PLPP3: variants seen among roughly 807,000 people sequenced by gnomAD.
PLPP3 encodes phospholipid phosphatase 3.
In PLPP3, 6 loss-of-function variants were observed where a neutral mutation model predicts 29.6. The ratio of observed to expected loss-of-function variants is 0.20; its 90% CI spans 0.11 to 0.40. The LOEUF is 0.40. Ranked by LOEUF, PLPP3 falls within the 10% of genes least tolerant of loss-of-function variation. The pLI is 1.00. For synonymous variants in PLPP3, 152 were observed against 159.7 expected, an observed-to-expected ratio of 0.95 and a Z score of 0.36; for missense variants, 308 against 407.7, an observed-to-expected ratio of 0.76 and a Z score of 2.11.
intron 1 of PLPP3, among the ~76,000 whole-genome samples, chr1:56,544,459 C>T (rs1557509351): frequency 1.3e-5 from 2 of 152,208 alleles, no homozygotes; most frequent in African/African-American, 4.8e-5. Context: ...GACCTCCTTC[C>T]TTTTGAATCC....
intron 1 of PLPP3, among the ~76,000 whole-genome samples, chr1:56,537,741 C>T (rs1015388798): frequency 2.0e-5 from 3 of 151,994 alleles, no homozygotes; most frequent in Admixed American, 2.0e-4. Context: ...TCATGAATGC[C>T]ATTTTCCAGG....
intron 5 of PLPP3, among the ~76,000 whole-genome samples, chr1:56,511,722 C>T (rs1041987858): frequency 6.6e-6 from 1 of 151,912 alleles, no homozygotes; most frequent in Non-Finnish European, 1.5e-5. Context: ...CAACATTCTA[C>T]GAGCCCAAAA....
At chr1:56,543,392 C>A (rs1645982965) in intron 1 of PLPP3, among the ~76,000 whole-genome samples, 1 of 152,200 alleles carries the variant, frequency 6.6e-6, no homozygotes, top group South Asian at 2.1e-4. Context: ...CCACATCTGT[C>A]TGTCTTTTGG....
At chr1:56,572,332 G>A (rs1386767409) in intron 1 of PLPP3, among the ~76,000 whole-genome samples, 2 of 152,252 alleles carry the variant, frequency 1.3e-5, no homozygotes, top group African/African-American at 4.8e-5. Flanking sequence ...TTACAGGCGT[G>A]AGCCACCACG....
At chr1:56,562,326 G>A (rs1394771688) in intron 1 of PLPP3, among the ~76,000 whole-genome samples, 1 of 152,088 alleles carries the variant, frequency 6.6e-6, no homozygotes, top group Non-Finnish European at 1.5e-5. Flanking sequence ...TATGTGATCG[G>A]GATTGTAGTA....
At chr1:56,508,433 C>T (rs1645718536) in intron 5 of PLPP3, among the ~76,000 whole-genome samples, 1 of 152,164 alleles carries the variant, frequency 6.6e-6, no homozygotes, top group Non-Finnish European at 1.5e-5. Context: ...AGGCTTGGCT[C>T]AGGAGGTTAT....
chr1:56,558,821 C>A (rs184431479), intron 1 of PLPP3, among the ~76,000 whole-genome samples: 1 of 152,164 alleles, frequency 6.6e-6, no homozygotes, highest in African/African-American at 2.4e-5. Flanking sequence ...AACTTTGATT[C>A]TGGGTTAAAA....
chr1:56,554,054 T>C (rs1646057157), intron 1 of PLPP3, among the ~76,000 whole-genome samples: 1 of 147,700 alleles, frequency 6.8e-6, no homozygotes, highest in Non-Finnish European at 1.5e-5. Context: ...CTTTGGCTTT[T>C]CCCCCCCACT....
chr1:56,579,127 G>A lies in PLPP3; in HGVS notation c.-111C>T. On this transcript the variant is annotated 5_prime_UTR_variant, in exon 1 of 6. Transcript: ENST00000371250. The stretch of plus-strand genomic sequence containing the variant: ...GCCGAGGCTGCTGCGGATAGTGGCG[G>A]GTCGGCCCCGGCTCCGGGCGCGGCG... 2 of 1,423,318 alleles carry A rather than the reference G, an allele frequency of 1.4e-6. No individual in the cohort carries two copies. Among genetic ancestry groups the A allele is most frequent in the Non-Finnish European group, 1.9e-6 (2 of 1,080,918 alleles). The allele number at this position is 1,423,318 out of a possible 1,614,324, so 88.2% of individuals were successfully genotyped here.
intron 5 of PLPP3, among the ~76,000 whole-genome samples, chr1:56,500,944 C>T (rs1007082043): frequency 7.6e-6 from 1 of 132,094 alleles, no homozygotes; most frequent in South Asian, 2.4e-4. Context: ...GCGGAGGTTT[C>T]AGTGAGCCAA....
intron 1 of PLPP3, among the ~76,000 whole-genome samples, chr1:56,551,279 G>GGGTTT (rs1553138847): frequency 2.9e-5 from 4 of 135,922 alleles, no homozygotes; most frequent in Non-Finnish European, 4.9e-5. Context: ...TCTGGGTTTG[G>GGGTTT]GGTTTGGTTT....
intron 2 of PLPP3, among the ~76,000 whole-genome samples, chr1:56,534,666 G>T (rs781000253): frequency 3.9e-5 from 6 of 152,104 alleles, no homozygotes; most frequent in Non-Finnish European, 5.9e-5. Flanking sequence ...CGTCATCGTT[G>T]TTGTTGTTGT....
At chr1:56,536,834 T>C in intron 2 of PLPP3, 121 bp downstream of exon 2, 1 of 1,291,086 alleles carries the variant, frequency 7.7e-7, no homozygotes, top group Non-Finnish European at 1.1e-6. Context: ...CTTGGCTAAA[T>C]ATAGGCCAGA....
At chr1:56,498,401 T>C (rs1442796220) in intron 5 of PLPP3, among the ~76,000 whole-genome samples, 1 of 152,176 alleles carries the variant, frequency 6.6e-6, no homozygotes, top group Admixed American at 6.5e-5. Context: ...TAAAGTTCAA[T>C]GAGAAGATAA....
intron 1 of PLPP3, among the ~76,000 whole-genome samples, chr1:56,563,792 G>A (rs1179357825): frequency 6.6e-6 from 1 of 152,170 alleles, no homozygotes; most frequent in African/African-American, 2.4e-5. Context: ...TAGTGTTGTT[G>A]TGAAATCCAA....
chr1:56,524,312 T>A lies in PLPP3; in HGVS notation c.540A>T (p.Arg180Ser). The A allele has an allele frequency of 6.2e-7, 1 of 1,614,002 alleles. No individual in the cohort carries two copies. Among genetic ancestry groups the A allele is most frequent in the Non-Finnish European group, 8.5e-7 (1 of 1,179,946 alleles). The change falls in exon 3 of 6, where the codon AGA (arginine) becomes AGT (serine). Residue 180 changes from arginine (R) to serine (S), a missense_variant. Physicochemically the swap from Arg to Ser is moderately radical, Grantham distance 110. Transcript: ENST00000371250. This position sits in a 1 kb window ranked among gnomAD's most constrained non-coding sequence, Gnocchi z 4.3. ...NCSEGYIQNY[R>S]CRGDDSKVQE... ...GGACTTTGCTGTCATCACCTCTGCA[T>A]CTGTAGTTCTGAATGTAGCCTTCAG...
At chr1:56,568,576 C>T (rs569605429) in intron 1 of PLPP3, among the ~76,000 whole-genome samples, 1 of 152,288 alleles carries the variant, frequency 6.6e-6, no homozygotes, top group East Asian at 1.9e-4. Context: ...GTGGCCTCAC[C>T]ATAGTTCAGA....
intron 4 of PLPP3, among the ~76,000 whole-genome samples, chr1:56,521,506 G>A (rs765354350): frequency 5.9e-5 from 9 of 152,228 alleles, no homozygotes; most frequent in Admixed American, 4.6e-4. Context: ...TATGTGCACA[G>A]TGGGGTGGGA....
intron 1 of PLPP3, among the ~76,000 whole-genome samples, chr1:56,537,363 G>C (rs1432519964): frequency 6.6e-6 from 1 of 152,092 alleles, no homozygotes; most frequent in African/African-American, 2.4e-5. Context: ...CTCGGAGGTA[G>C]GCAGTGAAAG....
Sources: allele counts gnomAD v4.1 joint callset (sites outside exome capture counted in the v4.1 genomes callset), GRCh38; gene constraint gnomAD v4.1.1; non-coding constraint Gnocchi (gnomAD v3.1); transcripts MANE v1.5; gene names NCBI Gene and HGNC (gene_info 2026-07-23, HGNC 2026-07-21).